Variants in BIN3 observed in about 807,000 individuals in gnomAD.
BIN3 encodes bridging integrator 3.
Under a neutral mutation model 38.2 loss-of-function variants are expected in BIN3, and 41 were observed. The observed-to-expected ratio is 1.07, with a 90% confidence interval of 0.84 to 1.39. BIN3 has a LOEUF of 1.39. Among genes scored for constraint, BIN3 ranks in the 40% most tolerant of loss-of-function variants. The pLI is 0.00. For synonymous variants in BIN3, 145 were observed against 122.6 expected (o/e 1.18, Z -1.21); for missense variants, 361 against 324.3 (o/e 1.11, Z -0.87).
At chr8:22,638,408 A>C (rs1802439122) in intron 2 of BIN3, among the ~76,000 whole-genome samples, 1 of 152,388 alleles carries the variant, frequency 6.6e-6, no homozygotes, top group African/African-American at 2.4e-5. Context: ...GTCCTGGTTC[A>C]GGTCTTTTTG....
chr8:22,621,706 C>A (rs1477610714), intron 8 of BIN3, 138 bp from the exon 9 acceptor site: 1 of 925,214 alleles, frequency 1.1e-6, no homozygotes, highest in African/African-American at 1.6e-5. Context: ...TGGGGATATG[C>A]AGGGCACGGA....
At chr8:22,659,347 C>G (rs1485489609) in intron 1 of BIN3, among the ~76,000 whole-genome samples, 1 of 152,200 alleles carries the variant, frequency 6.6e-6, no homozygotes, top group Non-Finnish European at 1.5e-5. Flanking sequence ...CCCCGACCCG[C>G]CAACAGTCCG....
intron 2 of BIN3, 37 bp downstream of exon 2, chr8:22,644,718 G>T: frequency 1.9e-6 from 3 of 1,597,536 alleles, no homozygotes; most frequent in Non-Finnish European, 2.6e-6. Flanking sequence ...ATGTGATACA[G>T]AACTGAATCT....
At chr8:22,636,630 C>A in intron 3 of BIN3, 44 bp from the exon 4 acceptor site, 2 of 1,543,632 alleles carry the variant, frequency 1.3e-6, no homozygotes, top group Non-Finnish European at 1.8e-6. Flanking sequence ...CTTCCTTCCC[C>A]CTACCTGAGC....
chr8:22,669,075 C>A lies in BIN3; in HGVS notation c.-24G>T, dbSNP rs754971684. 2 of 1,591,032 alleles carry A rather than the reference C, an allele frequency of 1.3e-6. No homozygotes were observed. The highest frequency in any genetic ancestry group is 1.8e-5 in the Admixed American group (1 of 56,854). On this transcript the variant is annotated 5_prime_UTR_variant, in exon 1 of 9. Coordinates refer to ENST00000276416, the MANE Select transcript of BIN3 (RefSeq NM_018688.6). ...ATGGTCCCGAACCTGCGTCTGCCGC[C>A]GGGGTCCTCAGCCACAACTCGTTTC...
At chr8:22,648,782 T>C (rs1329677378) in intron 1 of BIN3, among the ~76,000 whole-genome samples, 1 of 152,244 alleles carries the variant, frequency 6.6e-6, no homozygotes, top group Admixed American at 6.5e-5. Context: ...ATATTTATCT[T>C]ATATTTTGGG....
intron 1 of BIN3, among the ~76,000 whole-genome samples, chr8:22,668,402 C>A (rs1425032641): frequency 6.6e-6 from 1 of 152,188 alleles, no homozygotes; most frequent in Non-Finnish European, 1.5e-5. Flanking sequence ...TTTCTCATGG[C>A]ATGATAGTTC....
rs1801748581 is a variant in BIN3, at chr8:22,620,568, CAGA to C, written c.*851_*853del. The C allele has an allele frequency of 6.6e-6, 1 of 152,266 alleles. No individual in the cohort carries two copies. Among genetic ancestry groups the C allele is most frequent in the Non-Finnish European group, 1.5e-5 (1 of 68,052 alleles). The allele number at this position is 152,266 out of a possible 1,614,324, so 9.4% of individuals were successfully genotyped here. The stretch of plus-strand genomic sequence containing the variant: ...TGCTGGACCACGGTGCAGTTCGCTC[CAGA>C]AGGTGGGCCAGGGCCGGGGAGGTGC... On this transcript the variant is annotated 3_prime_UTR_variant, in exon 9 of 9. Transcript: ENST00000276416.
Position 22,625,630 on chromosome 8 carries a change from C to T in BIN3, c.339-1267G>A, listed in dbSNP as rs569400494. On this transcript the variant is annotated intron_variant, in intron 6 of 8. Coordinates refer to ENST00000276416, the MANE Select transcript of BIN3 (RefSeq NM_018688.6). ...TGAGACAGAGTCTTGCTCTCTCACC[C>T]AGGCTGGAGTACAGTGGTATGATCT... 8 of 555,994 alleles carry T rather than the reference C, an allele frequency of 1.4e-5. No homozygotes were observed. The South Asian group carries it at 1.6e-4, about 11-fold the overall frequency. The allele number at this position is 555,994 out of a possible 1,614,324, so 34.4% of individuals were successfully genotyped here.
chr8:22,646,233 G>T (rs1802710246), intron 1 of BIN3, among the ~76,000 whole-genome samples: 1 of 152,214 alleles, frequency 6.6e-6, no homozygotes, highest in Non-Finnish European at 1.5e-5. Context: ...GGAAAGGGTA[G>T]ACTCCCGATC....
At chr8:22,633,615 G>A (rs1802278405) in intron 4 of BIN3, among the ~76,000 whole-genome samples, 1 of 152,234 alleles carries the variant, frequency 6.6e-6, no homozygotes, top group Admixed American at 6.5e-5. Flanking sequence ...ACCTTGCTGG[G>A]GGAGCGCAGG....
chr8:22,634,986 T>C (rs1301777928), intron 4 of BIN3, among the ~76,000 whole-genome samples: 1 of 152,170 alleles, frequency 6.6e-6, no homozygotes, highest in Non-Finnish European at 1.5e-5. Flanking sequence ...TTCACAGCCA[T>C]AACATGGCAT....
intron 1 of BIN3, among the ~76,000 whole-genome samples, chr8:22,656,024 T>C (rs1370117644): frequency 6.6e-6 from 1 of 152,156 alleles, no homozygotes; most frequent in Non-Finnish European, 1.5e-5. Context: ...AGGTAATTTC[T>C]TGGCTGTTTT....
At chr8:22,656,340 GT>G (rs1447626412) in intron 1 of BIN3, among the ~76,000 whole-genome samples, 3 of 150,764 alleles carry the variant, frequency 2.0e-5, no homozygotes, top group Admixed American at 2.0e-4. Context: ...ATTCCATGAA[GT>G]TTTATATTTT....
intron 6 of BIN3, among the ~76,000 whole-genome samples, chr8:22,628,062 A>G (rs574240371): frequency 7.9e-5 from 12 of 152,224 alleles, no homozygotes; most frequent in African/African-American, 2.2e-4. Flanking sequence ...CGAAGAGGAG[A>G]AGGAGAGGGA....
At position 22,634,176 on chromosome 8, in the gene BIN3, C is replaced by T. The variant is rs549675171; in HGVS notation, c.160+2349G>A. On this transcript the variant is annotated intron_variant, in intron 4 of 8. Coordinates refer to ENST00000276416, the MANE Select transcript of BIN3 (RefSeq NM_018688.6). ...CCCGAACTGGAAAGGCAGTGGGGAC[C>T]GATCAAGAAAAATGCGACCCAAGTA... Among the ~76,000 whole-genome samples the T allele has an allele frequency of 8.5e-5, 13 of 152,284 alleles. No homozygotes were observed. In the East Asian group the frequency reaches 1.2e-3, roughly 14 times the overall value.
chr8:22,662,822 C>T (rs1011286126), intron 1 of BIN3, among the ~76,000 whole-genome samples: 3 of 152,096 alleles, frequency 2.0e-5, no homozygotes, highest in African/African-American at 7.2e-5. Flanking sequence ...AAAAAGTCAA[C>T]TGAGGTGGGT....
At chr8:22,631,818 C>T (rs1007606496) in intron 4 of BIN3, among the ~76,000 whole-genome samples, 17 of 152,316 alleles carry the variant, frequency 1.1e-4, no homozygotes, top group South Asian at 4.1e-4. Context: ...GAGTCACAGG[C>T]GGCTCAGAGG....
intron 1 of BIN3, among the ~76,000 whole-genome samples, chr8:22,645,743 G>C (rs1802695512): frequency 6.6e-6 from 1 of 152,118 alleles, no homozygotes; most frequent in Admixed American, 6.5e-5. Flanking sequence ...GTCTATATTA[G>C]GTGCTTTGCT....
Sources: gnomAD v4.1 joint callset for allele counts (sites outside exome capture counted in the v4.1 genomes callset) on GRCh38, gnomAD v4.1.1 for gene constraint, MANE v1.5 for transcripts, NCBI Gene and HGNC (gene_info 2026-07-23, HGNC 2026-07-21) for gene names.